Variants in SPOCK1 observed in about 807,000 individuals in gnomAD.
SPOCK1 encodes the protein testican-1.
Under a neutral mutation model 55.3 loss-of-function variants are expected in SPOCK1, and 23 were observed. The ratio of observed to expected loss-of-function variants is 0.42; its 90% CI spans 0.30 to 0.59. The LOEUF (loss-of-function observed/expected upper bound fraction) is 0.59. Ranked by LOEUF, SPOCK1 falls within the 20% of genes least tolerant of loss-of-function variation. The probability of loss-of-function intolerance (pLI) is 0.22; values close to 1 mark genes in which losing one functional copy is unlikely to be tolerated. For missense variants in SPOCK1, 499 were observed against 552.5 expected, an observed-to-expected ratio of 0.90 and a Z score of 0.97; for synonymous variants, 226 against 221.0, an observed-to-expected ratio of 1.02 and a Z score of -0.20.
At chr5:137,215,659 C>T (rs1365287366) in intron 3 of SPOCK1, among the ~76,000 whole-genome samples, 1 of 152,188 alleles carries the variant, frequency 6.6e-6, no homozygotes, top group East Asian at 1.9e-4. Flanking sequence ...AAGATTGCTT[C>T]AGGCCATACT....
chr5:137,264,136 G>T (rs767740748), intron 3 of SPOCK1, among the ~76,000 whole-genome samples: 1 of 152,052 alleles, frequency 6.6e-6, no homozygotes, highest in Non-Finnish European at 1.5e-5. Context: ...TCTGACCACC[G>T]GTGACAGCCA....
intron 3 of SPOCK1, among the ~76,000 whole-genome samples, chr5:137,232,252 G>C (rs1306498330): frequency 6.6e-6 from 1 of 152,052 alleles, no homozygotes; most frequent in Non-Finnish European, 1.5e-5. Flanking sequence ...TGTCAAGTCT[G>C]AATTCTTTGT....
intron 2 of SPOCK1, among the ~76,000 whole-genome samples, chr5:137,358,101 A>G (rs1380510277): frequency 6.6e-6 from 1 of 152,128 alleles, no homozygotes; most frequent in Non-Finnish European, 1.5e-5. Flanking sequence ...GAAGTCAGAA[A>G]GCACCAAGTG....
At chr5:137,022,680 A>G (rs1295592842) in intron 6 of SPOCK1, among the ~76,000 whole-genome samples, 1 of 152,200 alleles carries the variant, frequency 6.6e-6, no homozygotes, top group East Asian at 1.9e-4. Flanking sequence ...GTGTCGATTT[A>G]TATCAATTTA....
chr5:137,311,703 T>A (rs1388719625), intron 2 of SPOCK1, among the ~76,000 whole-genome samples: 1 of 152,114 alleles, frequency 6.6e-6, no homozygotes, highest in East Asian at 1.9e-4. Context: ...TATGTAAAAA[T>A]TTTAAAATAA....
rs924547667 is a variant in SPOCK1 at position 136,976,647 on chromosome 5, T to C, written c.*2007A>G. On this transcript the variant is annotated 3_prime_UTR_variant, in exon 11 of 11. Coordinates refer to ENST00000394945, the MANE Select transcript of SPOCK1 (RefSeq NM_004598.4). ...TGCAATTAAGCACCTGTTTTCTAAA[T>C]TATCTCAGTTTTGTTCAAGAGAGAA... The C allele has an allele frequency of 6.6e-6, 1 of 152,640 alleles. No individual in the cohort carries two copies. Among genetic ancestry groups the C allele is most frequent in the Admixed American group, 6.5e-5 (1 of 15,288 alleles). The allele number at this position is 152,640 out of a possible 1,614,324, so 9.5% of individuals were successfully genotyped here.
intron 3 of SPOCK1, among the ~76,000 whole-genome samples, chr5:137,150,454 A>C: frequency 6.6e-6 from 1 of 152,072 alleles, no homozygotes; most frequent in Non-Finnish European, 1.5e-5. Flanking sequence ...GTTTTAGGAG[A>C]AGCTCTGTGG....
chr5:136,979,268 T>C, intron 10 of SPOCK1, 64 bp downstream of exon 10: 1 of 1,604,760 alleles, frequency 6.2e-7, no homozygotes, highest in Non-Finnish European at 8.5e-7. Context: ...CAGAGATCCT[T>C]ATGCAGTGAG....
intron 2 of SPOCK1, among the ~76,000 whole-genome samples, chr5:137,373,871 ATTC>A (rs769902708): frequency 9.2e-5 from 14 of 152,206 alleles, no homozygotes; most frequent in Non-Finnish European, 1.3e-4. Flanking sequence ...TGAGCCCCAA[ATTC>A]TTCTTCTTTA....
intron 4 of SPOCK1, among the ~76,000 whole-genome samples, chr5:137,120,142 C>T (rs1417980457): frequency 2.6e-5 from 4 of 152,100 alleles, no homozygotes; most frequent in East Asian, 1.9e-4. Context: ...TGCTTCACCC[C>T]GTCTTGCTTG....
intron 3 of SPOCK1, among the ~76,000 whole-genome samples, chr5:137,150,980 T>C (rs577833819): frequency 6.6e-6 from 1 of 152,156 alleles, no homozygotes; most frequent in Non-Finnish European, 1.5e-5. Context: ...CTACACCATA[T>C]GCATCTAGCA....
chr5:137,251,157 C>T (rs1016252058), intron 3 of SPOCK1, among the ~76,000 whole-genome samples: 1 of 152,124 alleles, frequency 6.6e-6, no homozygotes, highest in Non-Finnish European at 1.5e-5. Context: ...CAGGTAAAGA[C>T]CACACAGCTG....
At chr5:137,114,085 CAG>C (rs1446580187) in intron 4 of SPOCK1, among the ~76,000 whole-genome samples, 3 of 152,144 alleles carry the variant, frequency 2.0e-5, no homozygotes, top group African/African-American at 4.8e-5. Flanking sequence ...AGGGTGACAT[CAG>C]AGAGGATCAA....
chr5:137,010,878 GC>G (rs1428821476), intron 6 of SPOCK1, among the ~76,000 whole-genome samples: 21 of 152,134 alleles, frequency 1.4e-4, no homozygotes, highest in Admixed American at 5.2e-4. Flanking sequence ...CCTGGTAGCA[GC>G]CTGAGGTCCC....
At chr5:136,995,112 A>C (rs1751017364) in intron 6 of SPOCK1, among the ~76,000 whole-genome samples, 1 of 152,174 alleles carries the variant, frequency 6.6e-6, no homozygotes, top group Non-Finnish European at 1.5e-5. Flanking sequence ...ACAGACGCAG[A>C]ATCTTCCCAC....
intron 2 of SPOCK1, among the ~76,000 whole-genome samples, chr5:137,282,670 G>C (rs926216370): frequency 5.9e-5 from 9 of 152,162 alleles, no homozygotes; most frequent in Non-Finnish European, 1.0e-4. Flanking sequence ...AATGATGCTG[G>C]GACTCTCCAA....
At chr5:137,433,942 C>G (rs1252017206) in intron 2 of SPOCK1, among the ~76,000 whole-genome samples, 1 of 152,192 alleles carries the variant, frequency 6.6e-6, no homozygotes, top group Admixed American at 6.5e-5. Flanking sequence ...TTTCAAAGTT[C>G]TAATCACTAT....
chr5:137,068,707 G>T (rs1223849195), intron 5 of SPOCK1, among the ~76,000 whole-genome samples: 1 of 152,204 alleles, frequency 6.6e-6, no homozygotes, highest in Non-Finnish European at 1.5e-5. Flanking sequence ...AGATCACAAA[G>T]CTCAGGGCCA....
intron 2 of SPOCK1, among the ~76,000 whole-genome samples, chr5:137,368,809 C>T (rs1751133445): frequency 6.6e-6 from 1 of 152,172 alleles, no homozygotes; most frequent in Non-Finnish European, 1.5e-5. Context: ...ACTGTGTGTT[C>T]CAGAGGAACA....
Sources: allele counts gnomAD v4.1 joint callset (sites outside exome capture counted in the v4.1 genomes callset), GRCh38; gene constraint gnomAD v4.1.1; transcripts MANE v1.5; gene names NCBI Gene and HGNC (gene_info 2026-07-23, HGNC 2026-07-21).